Variants in TLN2 observed in about 807,000 individuals in gnomAD.
The protein encoded by TLN2 is talin 2, also known as talin-2.
TLN2 carries 118 observed loss-of-function variants against 294.7 expected under a neutral mutation model. The ratio of observed to expected loss-of-function variants is 0.40; its 90% CI spans 0.34 to 0.47. TLN2 has a LOEUF of 0.47. Ranked by LOEUF, TLN2 falls within the 20% of genes least tolerant of loss-of-function variation. The pLI is 0.84. For missense variants in TLN2, 3,083 were observed against 3,282.2 expected, an observed-to-expected ratio of 0.94 and a Z score of 1.48; for synonymous variants, 1,431 against 1,304.5, an observed-to-expected ratio of 1.10 and a Z score of -2.09.
At chr15:62,525,550 A>G (rs1028307608) in intron 1 of TLN2, among the ~76,000 whole-genome samples, 1 of 152,200 alleles carries the variant, frequency 6.6e-6, no homozygotes, top group African/African-American at 2.4e-5. Context: ...TTTCTGTGGT[A>G]ATGTTGCAAT....
intron 32 of TLN2, among the ~76,000 whole-genome samples, chr15:62,742,022 G>T (rs2061357938): frequency 1.0e-5 from 1 of 100,218 alleles, no homozygotes; most frequent in Non-Finnish European, 1.9e-5. Context: ...GGCTTGTAGT[G>T]GGGTGTGTGT....
intron 1 of TLN2, among the ~76,000 whole-genome samples, chr15:62,484,821 C>T (rs1026594649): frequency 6.6e-6 from 1 of 152,174 alleles, no homozygotes; most frequent in African/African-American, 2.4e-5. Flanking sequence ...GATGAAAACT[C>T]GCTCATTTCT....
intron 52 of TLN2, among the ~76,000 whole-genome samples, chr15:62,812,521 A>G (rs1567660492): frequency 6.6e-6 from 1 of 152,216 alleles, no homozygotes; most frequent in Non-Finnish European, 1.5e-5. Context: ...GCAAAAATGC[A>G]GCTTATTTAG....
intron 27 of TLN2, among the ~76,000 whole-genome samples, chr15:62,725,363 G>A (rs1022228827): frequency 1.2e-4 from 19 of 152,232 alleles, no homozygotes; most frequent in Non-Finnish European, 2.4e-4. Context: ...TTTTATTTAC[G>A]AAGTGGGTAG....
chr15:62,840,919 C>T lies in TLN2; in HGVS notation c.*309C>T, dbSNP rs1008696522. 8 of 240,262 alleles carry T rather than the reference C, an allele frequency of 3.3e-5. No homozygotes were observed. The highest frequency in any genetic ancestry group is 5.5e-5 in the Non-Finnish European group (7 of 127,838). The allele number at this position is 240,262 out of a possible 1,614,324, so 14.9% of individuals were successfully genotyped here. Reference sequence around the variant, plus strand: ...AGAAAAGTCAGTATTATGTTGTTCTCAGACACTTTGGCTTTTGTTGGTCCT... The same window carrying T: ...AGAAAAGTCAGTATTATGTTGTTCTTAGACACTTTGGCTTTTGTTGGTCCT... On this transcript the variant is annotated 3_prime_UTR_variant, in exon 59 of 59. Transcript: ENST00000636159.
intron 1 of TLN2, among the ~76,000 whole-genome samples, chr15:62,546,577 G>T (rs1567081708): frequency 3.3e-5 from 5 of 152,128 alleles, no homozygotes; most frequent in African/African-American, 1.2e-4. Context: ...TTGTCTGAAG[G>T]TTTGTTTTTT....
At chr15:62,825,793 A>ATATATATAATATATATATTATATAAT (rs71131130) in intron 54 of TLN2, among the ~76,000 whole-genome samples, 1 of 9,404 alleles carries the variant, frequency 1.1e-4, no homozygotes, top group African/African-American at 2.3e-4. Flanking sequence ...TATATATTAT[A>ATATATATAATATATATATTATATAAT]ATATATATTA....
chr15:62,687,153 C>T lies in TLN2; in HGVS notation c.1113+357C>T, dbSNP rs1464503551. Among the ~76,000 whole-genome samples, 3 of 152,240 alleles carry T rather than the reference C, an allele frequency of 2.0e-5. No homozygotes were observed. In the East Asian group the frequency reaches 5.8e-4, roughly 29 times the overall value. ...TTCTAGTGCTCTGAGACACAAAGGCCCCCTCTCTGTTTTAGATGGTCCTAA... is the reference window on the plus strand; with the variant it reads ...TTCTAGTGCTCTGAGACACAAAGGCTCCCTCTCTGTTTTAGATGGTCCTAA... On this transcript the variant is annotated intron_variant, in intron 12 of 58. Coordinates refer to ENST00000636159, the MANE Select transcript of TLN2 (RefSeq NM_015059.3).
chr15:62,840,378 T>C, intron 58 of TLN2, 104 bp from the exon 59 acceptor site: 1 of 1,486,992 alleles, frequency 6.7e-7, no homozygotes, highest in Non-Finnish European at 9.1e-7. Context: ...TGTGCTGCAG[T>C]GTCCCACGGT....
intron 34 of TLN2, among the ~76,000 whole-genome samples, chr15:62,751,505 T>C (rs1423662248): frequency 1.3e-5 from 2 of 152,244 alleles, no homozygotes; most frequent in Non-Finnish European, 2.9e-5. Flanking sequence ...TAAGCAATTT[T>C]AGGGAATTTG....
At chr15:62,833,291 G>A (rs1041294184) in intron 54 of TLN2, 9 of 590,324 alleles carry the variant, frequency 1.5e-5, no homozygotes, top group African/African-American at 1.1e-4. Flanking sequence ...TGACCCGAGG[G>A]TGGCTTAACC....
At chr15:62,601,064 T>C (rs2046962382) in intron 2 of TLN2, among the ~76,000 whole-genome samples, 1 of 152,240 alleles carries the variant, frequency 6.6e-6, no homozygotes, top group Non-Finnish European at 1.5e-5. Context: ...TCTCTATCTC[T>C]CCATACCTTC....
chr15:62,507,609 C>T (rs2039693702), intron 1 of TLN2, among the ~76,000 whole-genome samples: 1 of 152,110 alleles, frequency 6.6e-6, no homozygotes, highest in Admixed American at 6.6e-5. Flanking sequence ...TTTCTGTGGC[C>T]AAAGCAGAAA....
At chr15:62,818,215 A>G (rs901343320) in intron 52 of TLN2, among the ~76,000 whole-genome samples, 3 of 152,184 alleles carry the variant, frequency 2.0e-5, no homozygotes, top group Admixed American at 2.0e-4. Context: ...TTTGAACACA[A>G]GTTTGTTCAT....
intron 1 of TLN2, among the ~76,000 whole-genome samples, chr15:62,473,860 G>A (rs780145): frequency 0.037 from 5,661 of 152,258 alleles, 360 homozygotes; most frequent in African/African-American, 0.13. Flanking sequence ...TTGGGAGGCC[G>A]AGGCAGGTGG....
chr15:62,485,851 A>G (rs1055451658), intron 1 of TLN2, among the ~76,000 whole-genome samples: 3 of 152,106 alleles, frequency 2.0e-5, no homozygotes, highest in Non-Finnish European at 2.9e-5. Context: ...GAGGGGCACC[A>G]TCACCTGGGT....
intron 1 of TLN2, among the ~76,000 whole-genome samples, chr15:62,450,762 G>C (rs1474241695): frequency 6.6e-6 from 1 of 151,944 alleles, no homozygotes; most frequent in African/African-American, 2.4e-5. Context: ...TTAGAGATGA[G>C]ATCTTGCAAT....
intron 1 of TLN2, among the ~76,000 whole-genome samples, chr15:62,569,847 C>T (rs988470918): frequency 2.0e-5 from 3 of 152,162 alleles, no homozygotes; most frequent in Non-Finnish European, 4.4e-5. Flanking sequence ...ATGATTTGGT[C>T]TTTGTGGAGG....
intron 1 of TLN2, among the ~76,000 whole-genome samples, chr15:62,498,312 T>C (rs1228120748): frequency 6.6e-6 from 1 of 152,192 alleles, no homozygotes; most frequent in African/African-American, 2.4e-5. Flanking sequence ...AATGGTTAGA[T>C]CCTGCCAAGG....
Sources: allele counts gnomAD v4.1 joint callset (sites outside exome capture counted in the v4.1 genomes callset), GRCh38; gene constraint gnomAD v4.1.1; transcripts MANE v1.5; gene names NCBI Gene and HGNC (gene_info 2026-07-23, HGNC 2026-07-21).